UBE2Z: variants seen among roughly 807,000 people sequenced by gnomAD.
The protein encoded by UBE2Z is ubiquitin conjugating enzyme E2 Z, also known as ubiquitin-conjugating enzyme E2 Z.
In UBE2Z, 10 loss-of-function variants were observed where a neutral mutation model predicts 32.6. The observed-to-expected ratio is 0.31, with a 90% CI of 0.19 to 0.52. The LOEUF is 0.52. UBE2Z is among the 20% of genes least tolerant of loss of function. The pLI, the probability that UBE2Z is intolerant of heterozygous loss-of-function variation, is 0.97. For missense variants in UBE2Z, 343 were observed against 480.9 expected (o/e 0.71, Z 2.68); for synonymous variants, 183 against 190.8 (o/e 0.96, Z 0.34).
chr17:48,922,774 A>G, intron 5 of UBE2Z, 73 bp from the exon 6 acceptor site: 1 of 1,260,088 alleles, frequency 7.9e-7, no homozygotes, highest in South Asian at 1.4e-5. Flanking sequence ...CTGAAAAAAA[A>G]AAAAGGTTAG....
chr17:48,920,909 TATG>T (rs2040753962), intron 4 of UBE2Z, among the ~76,000 whole-genome samples: 1 of 151,962 alleles, frequency 6.6e-6, no homozygotes, highest in Non-Finnish European at 1.5e-5. Flanking sequence ...TTCAGGAAAA[TATG>T]ATGGATCTAG....
At chr17:48,917,731 T>A (rs1459565153) in intron 4 of UBE2Z, among the ~76,000 whole-genome samples, 3 of 152,220 alleles carry the variant, frequency 2.0e-5, no homozygotes, top group Non-Finnish European at 2.9e-5. Context: ...TTATTCCCAT[T>A]TTCAAGTGAA....
At chr17:48,926,279 T>C (rs2040797480) in intron 6 of UBE2Z, among the ~76,000 whole-genome samples, 1 of 152,144 alleles carries the variant, frequency 6.6e-6, no homozygotes, top group Admixed American at 6.6e-5. Context: ...AAGAGCAACT[T>C]TTACCTTCTG....
Position 48,921,272 on chromosome 17 carries a change from G to A in UBE2Z, c.803G>A (p.Arg268Gln), listed in dbSNP as rs1307778263. The A allele has an allele frequency of 5.6e-6, 9 of 1,608,408 alleles. No individual in the cohort carries two copies. The highest frequency in any genetic ancestry group is 2.2e-5 in the South Asian group (2 of 89,844). ...AAGTGTCCCTGTCCTGAACCCCTAC[G>A]GTATGTGTCAAGCGGGCTTGCTTGG... ...EGKCPCPEPL[R>Q]GVMEKSFLEY... Residue 268 changes from arginine to glutamine, a missense_variant and splice_region_variant, in exon 5 of 7, where the codon CGA (arginine) becomes CAA (glutamine). This residue lies in a region of UBE2Z where 182 missense variants were observed against 312.4 expected (regional missense o/e 0.58). Coordinates refer to ENST00000360943, the MANE Select transcript of UBE2Z (RefSeq NM_023079.5).
At position 48,916,905 on chromosome 17, in the gene UBE2Z, G is replaced by T. The variant is rs529790911; in HGVS notation, c.690+718G>T. Among the ~76,000 whole-genome samples the T allele has an allele frequency of 2.6e-5, 4 of 152,060 alleles. No homozygotes were observed. In the East Asian group the frequency reaches 7.8e-4, roughly 30 times the overall value. The stretch of plus-strand genomic sequence containing the variant: ...TCTCTACTAAAAATAAAAGAAATTA[G>T]CTGGGTGTGATCACTTGAACCCTGG... On this transcript the variant is annotated intron_variant, in intron 4 of 6. Coordinates refer to ENST00000360943, the MANE Select transcript of UBE2Z (RefSeq NM_023079.5).
chr17:48,920,232 T>C (rs2040749801), intron 4 of UBE2Z, among the ~76,000 whole-genome samples: 1 of 152,106 alleles, frequency 6.6e-6, no homozygotes, highest in Admixed American at 6.5e-5. Context: ...CGGTGGCTCA[T>C]GCCTGTAATC....
At position 48,922,829 on chromosome 17, in the gene UBE2Z, T is replaced by C. The variant is rs747095179; in HGVS notation, c.804-18T>C. The C allele has an allele frequency of 1.4e-5, 22 of 1,605,606 alleles. No individual in the cohort carries two copies. Among genetic ancestry groups the C allele is most frequent in the Non-Finnish European group, 1.9e-5 (22 of 1,173,674 alleles). ...TACCCCTGGGTTTCTCACTTACACT[T>C]TTCTGCTTGTTTTCCAGAGGGGTGA... is the stretch of plus-strand genomic sequence containing the variant. On this transcript the variant is annotated intron_variant, in intron 5 of 6. Coordinates refer to ENST00000360943, the MANE Select transcript of UBE2Z (RefSeq NM_023079.5).
chr17:48,917,487 C>T (rs567380659), intron 4 of UBE2Z, among the ~76,000 whole-genome samples: 1 of 152,086 alleles, frequency 6.6e-6, no homozygotes, highest in Non-Finnish European at 1.5e-5. Context: ...TAAAGTTGCT[C>T]TGTAGGGACT....
intron 6 of UBE2Z, among the ~76,000 whole-genome samples, chr17:48,925,940 C>T (rs2040794818): frequency 1.3e-5 from 2 of 152,144 alleles, no homozygotes; most frequent in African/African-American, 4.8e-5. Context: ...AGTTGTGTAC[C>T]TTTTGGGGGC....
chr17:48,927,215 G>T lies in UBE2Z; in HGVS notation c.*81G>T. 5 of 1,435,068 alleles carry T rather than the reference G, an allele frequency of 3.5e-6. No individual in the cohort carries two copies. The Admixed American group carries it at 7.9e-5, about 23-fold the overall frequency. 88.9% of individuals were successfully genotyped at this position (1,435,068 alleles called of 1,614,324 possible). Reference sequence around the variant, plus strand: ...CCCACCCCAGGGATGGAGAGGCACTGTGTATCTCCCTCCAGACTCGAAGTC... The same window carrying T: ...CCCACCCCAGGGATGGAGAGGCACTTTGTATCTCCCTCCAGACTCGAAGTC... On this transcript the variant is annotated 3_prime_UTR_variant, in exon 7 of 7. Transcript: ENST00000360943.
intron 2 of UBE2Z, chr17:48,911,364 C>T (rs2040675633): frequency 1.3e-5 from 2 of 159,152 alleles, no homozygotes; most frequent in Non-Finnish European, 2.8e-5. Context: ...TTACTGGTTG[C>T]GTTTAAGTAT....
chr17:48,908,468 G>A lies in UBE2Z; in HGVS notation c.-36G>A. 8.1e-7 allele frequency: 1 copy of A among 1,229,446 alleles called. No individual in the cohort carries two copies. The allele number at this position is 1,229,446 out of a possible 1,614,324, so 76.2% of individuals were successfully genotyped here. On this transcript the variant is annotated 5_prime_UTR_variant, in exon 1 of 7. Coordinates refer to ENST00000360943, the MANE Select transcript of UBE2Z (RefSeq NM_023079.5). Reference sequence around the variant, plus strand: ...GGAGCAGCGGCCGCTCTGGTCGGCGGACGTGCTGCCGAGTAGTCCCGGAAG... The same window carrying A: ...GGAGCAGCGGCCGCTCTGGTCGGCGAACGTGCTGCCGAGTAGTCCCGGAAG...
intron 4 of UBE2Z, among the ~76,000 whole-genome samples, chr17:48,918,746 C>CTTTT (rs71144542): frequency 7.8e-6 from 1 of 127,478 alleles, no homozygotes. Context: ...TAGGTCTTGT[C>CTTTT]TTTTTTTTTT....
chr17:48,916,620 C>G (rs1040271181), intron 4 of UBE2Z, among the ~76,000 whole-genome samples: 14 of 94,712 alleles, frequency 1.5e-4, no homozygotes, highest in African/African-American at 4.3e-4. Flanking sequence ...TGTTTTGGAC[C>G]TAGCACAGCC....
At position 48,927,277 on chromosome 17, in the gene UBE2Z, C is replaced by A. The variant is rs1299443903; in HGVS notation, c.*143C>A. The A allele has an allele frequency of 2.2e-6, 2 of 909,818 alleles. No individual in the cohort carries two copies. The highest frequency in any genetic ancestry group is 2.7e-5 in the East Asian group (1 of 37,596). The allele number at this position is 909,818 out of a possible 1,614,324, so 56.4% of individuals were successfully genotyped here. A position where few individuals can be genotyped will look rare whatever the true frequency, so the allele number is the denominator to read the frequency against. ...TGGCAAGAACCAAGCAAGCTCCGAT[C>A]CCAGGGTGTGGGAGTGGGGGCCTGT... On this transcript the variant is annotated 3_prime_UTR_variant, in exon 7 of 7. Coordinates refer to ENST00000360943, the MANE Select transcript of UBE2Z (RefSeq NM_023079.5).
chr17:48,909,395 C>T (rs1012506390), intron 1 of UBE2Z, among the ~76,000 whole-genome samples: 45 of 152,168 alleles, frequency 3.0e-4, no homozygotes, highest in African/African-American at 1.0e-3. Context: ...TCCCTCGCCC[C>T]AATCTTTCCT....
At chr17:48,913,540 A>G (rs775464650) in intron 3 of UBE2Z, among the ~76,000 whole-genome samples, 8 of 152,166 alleles carry the variant, frequency 5.3e-5, no homozygotes, top group Non-Finnish European at 8.8e-5. Context: ...TCTTTAGTAG[A>G]GACGGAGTTT....
At chr17:48,909,011 A>C (rs1369872986) in intron 1 of UBE2Z, 191 bp downstream of exon 1, 4 of 189,272 alleles carry the variant, frequency 2.1e-5, no homozygotes, top group African/African-American at 6.1e-5. Context: ...TCAGACCCGC[A>C]AGCACCAACC....
intron 3 of UBE2Z, among the ~76,000 whole-genome samples, chr17:48,915,322 G>C (rs1410043767): frequency 1.3e-5 from 2 of 152,142 alleles, no homozygotes; most frequent in African/African-American, 4.8e-5. Flanking sequence ...CAGTCAACTT[G>C]AACAAGCCAG....
Sources: gnomAD v4.1 joint callset for allele counts (sites outside exome capture counted in the v4.1 genomes callset) on GRCh38, gnomAD v4.1.1 for gene constraint, gnomAD v4.1.1 regional missense constraint, MANE v1.5 for transcripts, NCBI Gene and HGNC (gene_info 2026-07-23, HGNC 2026-07-21) for gene names.